The following RAB3IP variants were observed in gnomAD, a reference collection of about 807,000 sequenced individuals.
The protein encoded by RAB3IP is RAB3A interacting protein, also known as rab-3A-interacting protein.
RAB3IP carries 36 observed loss-of-function variants against 59.1 expected under a neutral mutation model. The ratio of observed to expected loss-of-function variants is 0.61; its 90% CI spans 0.47 to 0.80. The LOEUF (loss-of-function observed/expected upper bound fraction) is 0.80. Among genes scored for constraint, RAB3IP ranks in the 30% least tolerant of loss-of-function variants. The pLI, the probability that RAB3IP is intolerant of heterozygous loss-of-function variation, is 0.00. For missense variants in RAB3IP, 511 were observed against 536.0 expected (o/e 0.95, Z 0.46); for synonymous variants, 207 against 191.2 (o/e 1.08, Z -0.68).
intron 1 of RAB3IP, among the ~76,000 whole-genome samples, chr12:69,754,233 A>T (rs972935944): frequency 3.3e-5 from 5 of 152,062 alleles, no homozygotes; most frequent in African/African-American, 1.2e-4. Flanking sequence ...GGGCCTGTTG[A>T]TTAGATGGTA....
At chr12:69,795,030 A>G in intron 5 of RAB3IP, 111 bp from the exon 6 acceptor site, 1 of 798,178 alleles carries the variant, frequency 1.3e-6, no homozygotes, top group Non-Finnish European at 2.0e-6. Flanking sequence ...AGGAAATACA[A>G]ATTAAACTTA....
chr12:69,799,900 G>C (rs1211005348), intron 6 of RAB3IP, among the ~76,000 whole-genome samples: 1 of 152,150 alleles, frequency 6.6e-6, no homozygotes, highest in Non-Finnish European at 1.5e-5. Context: ...GGAGCTCAGA[G>C]TGAGGATAAT....
Position 69,816,683 on chromosome 12 carries a change from G to C in RAB3IP, c.*1237G>C, listed in dbSNP as rs553719680. On this transcript the variant is annotated 3_prime_UTR_variant, in exon 11 of 11. Transcript: ENST00000247833. ...CATGTGGATGCCTGGAGATAAAATT[G>C]TGTCGAGATATATATGTATTTTTAA... 1 of 152,302 alleles carries C rather than the reference G, an allele frequency of 6.6e-6. No individual in the cohort carries two copies. The highest frequency in any genetic ancestry group is 2.4e-5 in the African/African-American group (1 of 41,558). 9.4% of individuals were successfully genotyped at this position (152,302 alleles called of 1,614,324 possible). A position where few individuals can be genotyped will look rare whatever the true frequency, so the allele number is the denominator to read the frequency against.
intron 3 of RAB3IP, among the ~76,000 whole-genome samples, chr12:69,771,652 T>C (rs1386841132): frequency 1.3e-5 from 2 of 152,276 alleles, no homozygotes; most frequent in Non-Finnish European, 2.9e-5. Flanking sequence ...TTTACTTTTC[T>C]GTGAATTTTA....
intron 6 of RAB3IP, chr12:69,795,807 A>G (rs11177856): frequency 0.22 from 36,748 of 169,298 alleles, 4,782 homozygotes; most frequent in Middle Eastern, 0.36. Flanking sequence ...TAAGCAACAA[A>G]AAAATAGAAA....
intron 1 of RAB3IP, among the ~76,000 whole-genome samples, chr12:69,752,216 C>T (rs1022177893): frequency 6.6e-6 from 1 of 151,440 alleles, no homozygotes; most frequent in African/African-American, 2.4e-5. Flanking sequence ...GTTGCCCAGG[C>T]TAGTCTTTTA....
intron 1 of RAB3IP, among the ~76,000 whole-genome samples, chr12:69,743,451 T>C (rs1887541362): frequency 6.6e-6 from 1 of 152,230 alleles, no homozygotes; most frequent in Non-Finnish European, 1.5e-5. Flanking sequence ...CTCAGTATGC[T>C]TTTGCTATTT....
At chr12:69,788,469 C>T (rs1341770525) in intron 4 of RAB3IP, among the ~76,000 whole-genome samples, 1 of 152,046 alleles carries the variant, frequency 6.6e-6, no homozygotes, top group Admixed American at 6.6e-5. Context: ...TTTTATGGGA[C>T]CACTGTCATA....
intron 4 of RAB3IP, among the ~76,000 whole-genome samples, chr12:69,786,580 T>C (rs11177847): frequency 0.21 from 32,282 of 152,062 alleles, 4,158 homozygotes; most frequent in Middle Eastern, 0.35. Flanking sequence ...AAGAAAATTT[T>C]GTAGTGATAT....
chr12:69,817,513 A>G lies in RAB3IP; in HGVS notation c.*2067A>G, dbSNP rs919372718. On this transcript the variant is annotated 3_prime_UTR_variant, in exon 11 of 11. Coordinates refer to ENST00000247833, the MANE Select transcript of RAB3IP (RefSeq NM_022456.5). ...ATGGTATATTATAAATTCTTAATTT[A>G]GAAATCGTGCATCAGTAGTTAGGCA... The G allele has an allele frequency of 6.6e-6, 1 of 152,104 alleles. No homozygotes were observed. Among genetic ancestry groups the G allele is most frequent in the African/African-American group, 2.4e-5 (1 of 41,440 alleles). 9.4% of individuals were successfully genotyped at this position (152,104 alleles called of 1,614,324 possible). A position where few individuals can be genotyped will look rare whatever the true frequency, so the allele number is the denominator to read the frequency against.
chr12:69,799,823 A>G (rs1273582562), intron 6 of RAB3IP, among the ~76,000 whole-genome samples: 1 of 152,154 alleles, frequency 6.6e-6, no homozygotes, highest in East Asian at 1.9e-4. Context: ...ATCATTTATT[A>G]TATTCTGAAT....
At chr12:69,813,402 T>C (rs1880740266) in intron 10 of RAB3IP, among the ~76,000 whole-genome samples, 1 of 152,162 alleles carries the variant, frequency 6.6e-6, no homozygotes, top group African/African-American at 2.4e-5. Flanking sequence ...AGTGGTCAGA[T>C]TTATTTTAAT....
At chr12:69,746,274 TTC>T (rs1868344272) in intron 1 of RAB3IP, among the ~76,000 whole-genome samples, 1 of 152,178 alleles carries the variant, frequency 6.6e-6, no homozygotes, top group Admixed American at 6.5e-5. Context: ...AAGCAACATT[TTC>T]TCTTTTAAAG....
chr12:69,803,385 A>G (rs960431630), intron 8 of RAB3IP, among the ~76,000 whole-genome samples: 5 of 152,088 alleles, frequency 3.3e-5, no homozygotes, highest in Non-Finnish European at 7.4e-5. Context: ...GATAATGACT[A>G]AGTGAGTGGC....
Position 69,800,194 on chromosome 12 carries a change from C to T in RAB3IP, c.889-15C>T, listed in dbSNP as rs770687930. 5 of 1,491,522 alleles carry T rather than the reference C, an allele frequency of 3.4e-6. No homozygotes were observed. The highest frequency in any genetic ancestry group is 1.4e-5 in the South Asian group (1 of 70,336). 92.4% of individuals were successfully genotyped at this position (1,491,522 alleles called of 1,614,324 possible). A position where few individuals can be genotyped will look rare whatever the true frequency, so the allele number is the denominator to read the frequency against. ...GTTTTAAAACATGTTTTTGTGTTTT[C>T]CTTTGGTTTGTTAGGCTGACTTATC... On this transcript the variant is annotated splice_polypyrimidine_tract_variant and intron_variant, in intron 6 of 10. Transcript: ENST00000247833.
At chr12:69,788,036 TAGTG>T (rs1565906287) in intron 4 of RAB3IP, among the ~76,000 whole-genome samples, 1 of 152,148 alleles carries the variant, frequency 6.6e-6, no homozygotes, top group African/African-American at 2.4e-5. Context: ...TATATATACT[TAGTG>T]AGAGGAGTGT....
At chr12:69,807,160 G>GAT (rs1879475338) in intron 8 of RAB3IP, among the ~76,000 whole-genome samples, 1 of 145,196 alleles carries the variant, frequency 6.9e-6, no homozygotes, top group Non-Finnish European at 1.5e-5. Flanking sequence ...CTTCCCAGAC[G>GAT]GGGTGGCCGG....
chr12:69,813,004 T>C lies in RAB3IP; in HGVS notation c.1271T>C (p.Ile424Thr). ...VCNFFTYIRYIQQGLVKQQDV... is the reference protein window; with the variant it reads ...VCNFFTYIRYTQQGLVKQQDV... ...AACTTTTTTACATACATTCGATACA[T>C]TCAGCAGGGACTCGTGAAACAGCAG... Residue 424 changes from isoleucine (I) to threonine (T), a missense_variant, in exon 10 of 11, where the codon ATT (isoleucine) becomes ACT (threonine). By Grantham distance (89) the Ile-to-Thr change is moderately conservative. Transcript: ENST00000247833. 6.2e-7 allele frequency: 1 copy of C among 1,613,378 alleles called. No homozygotes were observed. Among genetic ancestry groups the C allele is most frequent in the Non-Finnish European group, 8.5e-7 (1 of 1,179,496 alleles).
At chr12:69,783,508 T>A (rs1311047724) in intron 3 of RAB3IP, among the ~76,000 whole-genome samples, 1 of 152,184 alleles carries the variant, frequency 6.6e-6, no homozygotes, top group Non-Finnish European at 1.5e-5. Flanking sequence ...ACTCCGTCCT[T>A]CTGGTGAGGG....
Sources: gnomAD v4.1 joint callset for allele counts (sites outside exome capture counted in the v4.1 genomes callset) on GRCh38, gnomAD v4.1.1 for gene constraint, MANE v1.5 for transcripts, NCBI Gene and HGNC (gene_info 2026-07-23, HGNC 2026-07-21) for gene names.